The following CLCN7 variants were observed in gnomAD, a reference collection of about 807,000 sequenced individuals.
The protein encoded by CLCN7 is H(+)/Cl(-) exchange transporter 7.
CLCN7 carries 60 observed loss-of-function variants against 102.1 expected under a neutral mutation model. That is an observed-to-expected ratio of 0.59 (90% CI 0.48 to 0.73). The LOEUF (loss-of-function observed/expected upper bound fraction) is 0.73, where lower values mean the gene tolerates loss of function less well. CLCN7 is among the 30% of genes least tolerant of loss of function. CLCN7 has a pLI of 0.00. For missense variants in CLCN7, 962 were observed against 1,125.7 expected (o/e 0.85, Z 2.08); for synonymous variants, 560 against 490.5 (o/e 1.14, Z -1.87).
chr16:1,460,268 TTG>T lies in CLCN7; in HGVS notation c.594+148_594+149del, dbSNP rs1308337673. On this transcript the variant is annotated intron_variant, in intron 6 of 24. Transcript: ENST00000382745. ...CCTGGTGTGTCTGCTCCTCCTGAGG[TTG>T]TGAGTCTGGACCACGTGATTCTAAA... is the stretch of plus-strand genomic sequence containing the variant. 34 of 679,874 alleles carry T rather than the reference TTG, an allele frequency of 5.0e-5. 2 individuals are homozygous for T. The highest frequency in any genetic ancestry group is 1.6e-4 in the African/African-American group (9 of 56,558). The allele number at this position is 679,874 out of a possible 1,614,324, so 42.1% of individuals were successfully genotyped here. A position where few individuals can be genotyped will look rare whatever the true frequency, so the allele number is the denominator to read the frequency against.
In CLCN7 at chr16:1,459,130, T is replaced by C; in HGVS notation, c.652A>G (p.Ile218Val). 7 of 1,612,714 alleles carry C rather than the reference T, an allele frequency of 4.3e-6. No homozygotes were observed. The highest frequency in any genetic ancestry group is 5.9e-6 in the Non-Finnish European group (7 of 1,179,452). The change falls in exon 7 of 25, where the codon ATC (isoleucine) becomes GTC (valine). Residue 218 changes from isoleucine to valine, a missense_variant. Transcript: ENST00000382745. Reference protein sequence around the residue: ...QIKCFLNGVKIPHVVRLKTLV... With the variant: ...QIKCFLNGVKVPHVVRLKTLV... ...ACCTTGAGCCGCACCACGTGGGGGA[T>C]CTTCACCCCGTTGAGGAAGCACTTG...
chr16:1,452,658 G>A, intron 15 of CLCN7, 97 bp downstream of exon 15: 2 of 1,330,010 alleles, frequency 1.5e-6, no homozygotes, highest in South Asian at 1.3e-5. Context: ...GAACTCGGCG[G>A]GGTGGGCAGC....
chr16:1,467,118 A>G (rs1199678926), intron 1 of CLCN7, among the ~76,000 whole-genome samples: 2 of 151,978 alleles, frequency 1.3e-5, no homozygotes, highest in African/African-American at 4.8e-5. Flanking sequence ...CTTGGCAGAC[A>G]CCAGTCAGAG....
chr16:1,452,489 G>A (rs1012364133), intron 15 of CLCN7: 12 of 516,870 alleles, frequency 2.3e-5, no homozygotes, highest in South Asian at 4.5e-5. Context: ...CCTGAGGCTC[G>A]CCCCGTCAGG....
chr16:1,462,665 C>CAAAAAAAAAAAAA (rs67969666), intron 2 of CLCN7, among the ~76,000 whole-genome samples: 1 of 36,172 alleles, frequency 2.8e-5, no homozygotes, highest in African/African-American at 7.9e-5. Flanking sequence ...AAAAAAAAGC[C>CAAAAAAAAAAAAA]AAAAAAAAAA....
intron 2 of CLCN7, among the ~76,000 whole-genome samples, chr16:1,462,294 A>G (rs1054781654): frequency 6.7e-6 from 1 of 148,370 alleles, no homozygotes; most frequent in African/African-American, 2.5e-5. Context: ...TCTGGGAGGC[A>G]GAGGCAAGAG....
intron 6 of CLCN7, 41 bp downstream of exon 6, chr16:1,460,377 C>A: frequency 6.9e-7 from 1 of 1,445,834 alleles, no homozygotes; most frequent in South Asian, 1.1e-5. Flanking sequence ...ACCCCCAATC[C>A]TTCATGGGGT....
rs1596218027 is a variant in CLCN7, at chr16:1,455,077, A to G, written c.1098+57T>C. The G allele has an allele frequency of 8.7e-6, 9 of 1,040,344 alleles. No individual in the cohort carries two copies. The East Asian group carries it at 2.1e-4, about 25-fold the overall frequency. 64.4% of individuals were successfully genotyped at this position (1,040,344 alleles called of 1,614,324 possible). A position where few individuals can be genotyped will look rare whatever the true frequency, so the allele number is the denominator to read the frequency against. The stretch of plus-strand genomic sequence containing the variant: ...CAAATTCTCAACCTGGGCCTTAAGC[A>G]AACAGGGTCCTGGACCAGGATACGA... On this transcript the variant is annotated intron_variant, in intron 12 of 24. Transcript: ENST00000382745.
Position 1,448,774 on chromosome 16 carries a change from C to A in CLCN7, c.1798-8G>T. 1 of 1,610,330 alleles carries A rather than the reference C, an allele frequency of 6.2e-7. No individual in the cohort carries two copies. The highest frequency in any genetic ancestry group is 8.5e-7 in the Non-Finnish European group (1 of 1,179,792). On this transcript the variant is annotated splice_region_variant and splice_polypyrimidine_tract_variant and intron_variant, in intron 19 of 24. Transcript: ENST00000382745. ...GTGCATGTCGTACAGGCCCTGCGGG[C>A]GGGGCGGGAACACAGGGCTTGAGGA...
intron 1 of CLCN7, among the ~76,000 whole-genome samples, chr16:1,473,534 T>C (rs190545575): frequency 0.063 from 9,527 of 150,424 alleles, 361 homozygotes; most frequent in Non-Finnish European, 0.09. Context: ...CCACCACGCC[T>C]GGCTAATTTT....
chr16:1,463,477 T>C (rs1330105666), intron 2 of CLCN7, among the ~76,000 whole-genome samples: 1 of 151,976 alleles, frequency 6.6e-6, no homozygotes, highest in Non-Finnish European at 1.5e-5. Context: ...CAAAGAATAG[T>C]AATAATTAAT....
intron 6 of CLCN7, among the ~76,000 whole-genome samples, chr16:1,460,070 C>T (rs1367483810): frequency 6.6e-6 from 1 of 152,074 alleles, no homozygotes; most frequent in African/African-American, 2.4e-5. Context: ...GGTAGCTGCT[C>T]TCACTCTTCC....
At chr16:1,461,531 CA>C in intron 3 of CLCN7, 61 bp from the exon 4 acceptor site, 1 of 1,607,418 alleles carries the variant, frequency 6.2e-7, no homozygotes, top group Non-Finnish European at 8.5e-7. Flanking sequence ...GGTGCGGGCA[CA>C]GGGGACCGGG....
chr16:1,462,042 G>A (rs756192431), intron 2 of CLCN7, among the ~76,000 whole-genome samples: 11 of 151,308 alleles, frequency 7.3e-5, no homozygotes, highest in African/African-American at 2.4e-4. Context: ...CCGAGATTGC[G>A]CCGTTGCACT....
Position 1,450,538 on chromosome 16 carries a change from G to C in CLCN7, c.1576C>G (p.Arg526Gly). The change falls in exon 17 of 25, where the codon CGG becomes GGG. Residue 526 changes from arginine (R) to glycine (G), a missense_variant. Transcript: ENST00000382745. ...PSLLIGAAWG[R>G]LFGISLSYLT... ...TAGGACAGGGAGATCCCAAAGAGCC[G>C]GCCCCAGGCAGCCCCGATGAGCAGG... 1 of 1,610,758 alleles carries C rather than the reference G, an allele frequency of 6.2e-7. No individual in the cohort carries two copies.
rs2038629609 is a variant in CLCN7 at position 1,445,775 on chromosome 16, C to T, written c.*856G>A. 1.3e-5 allele frequency: 2 copies of T among 156,410 alleles called. No homozygotes were observed. Among genetic ancestry groups the T allele is most frequent in the South Asian group, 4.0e-4 (2 of 5,062 alleles). 9.7% of individuals were successfully genotyped at this position (156,410 alleles called of 1,614,324 possible). ...GGGAGGTCACCCTCGAGGCCGGGGT[C>T]CCCATGTGCTAGGGGAAGACCTGCC... On this transcript the variant is annotated 3_prime_UTR_variant, in exon 25 of 25. Transcript: ENST00000382745.
chr16:1,446,949 C>A (rs1029936320), intron 24 of CLCN7, 57 bp downstream of exon 24: 3 of 1,466,702 alleles, frequency 2.0e-6, no homozygotes, highest in African/African-American at 2.8e-5. Context: ...TAAGCACGGG[C>A]AGGAGGCAGA....
In CLCN7 at chr16:1,457,555, C is replaced by T. The variant is rs569557492; in HGVS notation, c.738+139G>A. On this transcript the variant is annotated intron_variant, in intron 8 of 24. Transcript: ENST00000382745. The surrounding 1 kb of genome is among the most constrained non-coding windows in gnomAD (Gnocchi z 5.4). ...GGCCCTTCCTGGAGACCAGAAGGACCGGTGCTCAGAGACACGCGTGACGCG... is the reference window on the plus strand; with the variant it reads ...GGCCCTTCCTGGAGACCAGAAGGACTGGTGCTCAGAGACACGCGTGACGCG... 1.6e-4 allele frequency: 115 copies of T among 700,474 alleles called. No homozygotes were observed. The highest frequency in any genetic ancestry group is 3.4e-4 in the Admixed American group (17 of 49,486). 43.4% of individuals were successfully genotyped at this position (700,474 alleles called of 1,614,324 possible).
intron 17 of CLCN7, 71 bp from the exon 18 acceptor site, chr16:1,449,398 G>A: frequency 2.0e-6 from 3 of 1,470,226 alleles, no homozygotes; most frequent in Non-Finnish European, 2.8e-6. Context: ...CACAGACGGA[G>A]GAGGCCCTGC....
Sources: allele counts gnomAD v4.1 joint callset (sites outside exome capture counted in the v4.1 genomes callset), GRCh38; gene constraint gnomAD v4.1.1; non-coding constraint Gnocchi (gnomAD v3.1); transcripts MANE v1.5; gene names NCBI Gene and HGNC (gene_info 2026-07-23, HGNC 2026-07-21).